TBC1D22A: variants seen among roughly 807,000 people sequenced by gnomAD.
The protein encoded by TBC1D22A is putative GTPase activator.
A neutral mutation model predicts 60.2 loss-of-function variants in TBC1D22A; 38 were observed. The observed-to-expected ratio is 0.63, with a 90% confidence interval of 0.49 to 0.83. The LOEUF (loss-of-function observed/expected upper bound fraction) is 0.83. TBC1D22A is among the 40% of genes least tolerant of loss of function. The pLI is 0.00. For synonymous variants in TBC1D22A, 302 were observed against 281.7 expected, an observed-to-expected ratio of 1.07 and a Z score of -0.72; for missense variants, 628 against 701.0, an observed-to-expected ratio of 0.90 and a Z score of 1.18.
At chr22:47,036,272 T>C (rs972603912) in intron 10 of TBC1D22A, among the ~76,000 whole-genome samples, 3 of 152,190 alleles carry the variant, frequency 2.0e-5, no homozygotes, top group East Asian at 3.8e-4. Context: ...CTAGGCCCTT[T>C]AGAGTAGGAC....
intron 4 of TBC1D22A, among the ~76,000 whole-genome samples, chr22:46,799,385 A>G (rs2146946918): frequency 6.6e-6 from 1 of 152,318 alleles, no homozygotes; most frequent in African/African-American, 2.4e-5. Context: ...AGTTGGAGAT[A>G]TATCCCTTTA....
intron 4 of TBC1D22A, among the ~76,000 whole-genome samples, chr22:46,873,035 G>T (rs187740488): frequency 1.4e-4 from 22 of 152,266 alleles, no homozygotes; most frequent in African/African-American, 4.3e-4. Flanking sequence ...CAAAGGAGAA[G>T]TTTTTACAAG....
chr22:47,134,348 C>T (rs137882924), intron 12 of TBC1D22A, among the ~76,000 whole-genome samples: 58 of 152,326 alleles, frequency 3.8e-4, no homozygotes, highest in African/African-American at 1.3e-3. Flanking sequence ...TCAGGACACG[C>T]GAAAGAATCT....
intron 8 of TBC1D22A, among the ~76,000 whole-genome samples, chr22:46,967,987 G>T (rs2073889051): frequency 6.6e-6 from 1 of 152,218 alleles, no homozygotes; most frequent in Non-Finnish European, 1.5e-5. Flanking sequence ...TCCAGTTCCA[G>T]AGGCTGATGT....
chr22:47,115,058 A>C (rs2065984439), intron 12 of TBC1D22A, among the ~76,000 whole-genome samples: 1 of 142,838 alleles, frequency 7.0e-6, no homozygotes, highest in African/African-American at 2.6e-5. Flanking sequence ...GGGTGAGGTG[A>C]GGTGGGGCGG....
At chr22:47,087,028 G>C (rs2064724140) in intron 11 of TBC1D22A, among the ~76,000 whole-genome samples, 1 of 152,226 alleles carries the variant, frequency 6.6e-6, no homozygotes, top group Non-Finnish European at 1.5e-5. Context: ...AAGGAATGTG[G>C]GTGCTCCGTC....
rs190968730 is a variant in TBC1D22A, at chr22:47,150,007, G to T, written c.1426-23491G>T. On this transcript the variant is annotated intron_variant, in intron 12 of 12. Coordinates refer to ENST00000337137, the MANE Select transcript of TBC1D22A (RefSeq NM_014346.5). Reference sequence around the variant, plus strand: ...GCACTGACTCCTCAGGGGCAGCGGGGCTGGGCCTGTGCACCAGGAGCAGAT... The same window carrying T: ...GCACTGACTCCTCAGGGGCAGCGGGTCTGGGCCTGTGCACCAGGAGCAGAT... Among the ~76,000 whole-genome samples the T allele has an allele frequency of 3.5e-3, 533 of 152,260 alleles. 1 individual carries two copies. Among genetic ancestry groups the T allele is most frequent in the Non-Finnish European group, 5.5e-3 (376 of 68,012 alleles).
intron 12 of TBC1D22A, among the ~76,000 whole-genome samples, chr22:47,164,702 C>T (rs894383382): frequency 3.9e-5 from 6 of 152,198 alleles, no homozygotes; most frequent in East Asian, 1.9e-4. Context: ...GCACAATCTG[C>T]GGGTCTTCTG....
At position 47,014,402 on chromosome 22, in the gene TBC1D22A, C is replaced by T. The variant is rs144190999; in HGVS notation, c.1201+16693C>T. ...GCCGCAGGCCTCAGTCTGCGCTGCCCCAGACTAGACCCAGGGCCCCATCAG... is the reference window on the plus strand; with the variant it reads ...GCCGCAGGCCTCAGTCTGCGCTGCCTCAGACTAGACCCAGGGCCCCATCAG... On this transcript the variant is annotated intron_variant, in intron 10 of 12. Coordinates refer to ENST00000337137, the MANE Select transcript of TBC1D22A (RefSeq NM_014346.5). Among the ~76,000 whole-genome samples, 425 of 152,306 alleles carry T rather than the reference C, an allele frequency of 2.8e-3. 1 individual carries two copies. Among genetic ancestry groups the T allele is most frequent in the African/African-American group, 9.5e-3 (397 of 41,576 alleles).
At chr22:46,974,258 T>G in intron 8 of TBC1D22A, 32 bp from the exon 9 acceptor site, 1 of 1,554,938 alleles carries the variant, frequency 6.4e-7, no homozygotes, top group Non-Finnish European at 8.7e-7. Context: ...TGGCTAAGTC[T>G]CCTTGTCTTT....
At chr22:47,092,939 T>C (rs2065033822) in intron 11 of TBC1D22A, among the ~76,000 whole-genome samples, 1 of 152,130 alleles carries the variant, frequency 6.6e-6, no homozygotes, top group African/African-American at 2.4e-5. Context: ...ACAGACCACA[T>C]GGTGTTACAG....
At chr22:47,166,419 A>G (rs972148361) in intron 12 of TBC1D22A, among the ~76,000 whole-genome samples, 14 of 152,246 alleles carry the variant, frequency 9.2e-5, no homozygotes, top group Admixed American at 8.5e-4. Context: ...ATTTGAACCT[A>G]GAATCAATAT....
intron 2 of TBC1D22A, chr22:46,792,871 A>G (rs1377347922): frequency 7.0e-7 from 1 of 1,433,882 alleles, no homozygotes; most frequent in Non-Finnish European, 9.1e-7. Context: ...GCTGCAGGCC[A>G]TCCATGCTGG....
chr22:47,006,041 T>TACAC (rs372207690), intron 10 of TBC1D22A, among the ~76,000 whole-genome samples: 1 of 151,988 alleles, frequency 6.6e-6, no homozygotes, highest in African/African-American at 2.4e-5. Flanking sequence ...CACATGCCTT[T>TACAC]ACACACACAC....
chr22:46,779,339 G>A (rs149707689), intron 1 of TBC1D22A, among the ~76,000 whole-genome samples: 69 of 151,998 alleles, frequency 4.5e-4, no homozygotes, highest in African/African-American at 1.5e-3. Flanking sequence ...CTAAAATGTC[G>A]TTATGTGGTG....
intron 11 of TBC1D22A, among the ~76,000 whole-genome samples, chr22:47,045,338 G>A (rs1194066698): frequency 6.6e-6 from 1 of 152,136 alleles, no homozygotes; most frequent in African/African-American, 2.4e-5. Context: ...CCATTAATGC[G>A]ACTTCTCTCT....
intron 4 of TBC1D22A, among the ~76,000 whole-genome samples, chr22:46,849,818 A>T (rs6008989): frequency 0.33 from 49,774 of 151,982 alleles, 8,406 homozygotes; most frequent in African/African-American, 0.42. Context: ...AGTTTCTCTC[A>T]TTCGGTTATG....
intron 8 of TBC1D22A, among the ~76,000 whole-genome samples, chr22:46,969,863 G>A (rs1443615293): frequency 6.6e-6 from 1 of 152,314 alleles, no homozygotes; most frequent in East Asian, 1.9e-4. Context: ...ACATGCTGGT[G>A]TTAATGTTTA....
intron 8 of TBC1D22A, among the ~76,000 whole-genome samples, chr22:46,928,895 T>A (rs980589146): frequency 1.3e-5 from 2 of 151,984 alleles, no homozygotes; most frequent in Admixed American, 6.6e-5. Context: ...ATCAAAAAGA[T>A]GAACAATAAC....
Sources: allele counts gnomAD v4.1 joint callset (sites outside exome capture counted in the v4.1 genomes callset), GRCh38; gene constraint gnomAD v4.1.1; transcripts MANE v1.5; gene names NCBI Gene and HGNC (gene_info 2026-07-23, HGNC 2026-07-21).